Variants in CSMD1 observed in about 807,000 individuals in gnomAD.
CSMD1 encodes the protein CUB and Sushi multiple domains 1, also known as CUB and sushi domain-containing protein 1.
In CSMD1, 213 loss-of-function variants were observed where a neutral mutation model predicts 417.5. The ratio of observed to expected loss-of-function variants is 0.51; its 90% CI spans 0.46 to 0.57. The LOEUF (loss-of-function observed/expected upper bound fraction) is 0.57. Ranked by LOEUF, CSMD1 falls within the 20% of genes least tolerant of loss-of-function variation. The pLI is 0.00. For missense variants in CSMD1, 6,923 were observed against 4,529.7 expected (o/e 1.53, Z -15.17); for synonymous variants, 2,862 against 1,736.8 (o/e 1.65, Z -16.11).
intron 5 of CSMD1, among the ~76,000 whole-genome samples, chr8:3,831,020 T>C (rs1264844334): frequency 6.6e-6 from 1 of 152,180 alleles, no homozygotes; most frequent in Non-Finnish European, 1.5e-5. Flanking sequence ...TTGTTGGCTC[T>C]GAAGGCAGCT....
At chr8:4,509,549 A>G (rs1327203425) in intron 2 of CSMD1, among the ~76,000 whole-genome samples, 1 of 152,186 alleles carries the variant, frequency 6.6e-6, no homozygotes, top group Non-Finnish European at 1.5e-5. Context: ...ATGGAAATGG[A>G]AAGGATGCTG....
chr8:3,143,149 T>A (rs554894529), intron 40 of CSMD1, among the ~76,000 whole-genome samples: 2 of 151,806 alleles, frequency 1.3e-5, no homozygotes, highest in South Asian at 2.1e-4. Flanking sequence ...TGCCACAGAG[T>A]TTTTTTTGTT....
At chr8:4,415,054 G>A (rs549186905) in intron 3 of CSMD1, among the ~76,000 whole-genome samples, 59 of 152,286 alleles carry the variant, frequency 3.9e-4, no homozygotes, top group African/African-American at 1.4e-3. Context: ...ATAGTCCAGT[G>A]AAAGTAATTC....
chr8:3,422,969 C>G (rs1346985774), intron 12 of CSMD1, among the ~76,000 whole-genome samples: 1 of 152,166 alleles, frequency 6.6e-6, no homozygotes, highest in Non-Finnish European at 1.5e-5. Context: ...TATTAAGGGT[C>G]ACAGCTCTTA....
At chr8:4,563,124 G>A (rs779799730) in intron 2 of CSMD1, among the ~76,000 whole-genome samples, 8 of 152,172 alleles carry the variant, frequency 5.3e-5, no homozygotes, top group Admixed American at 1.3e-4. Context: ...ACAATGGGCC[G>A]GGCACAGTGA....
At chr8:4,642,164 T>C (rs1309974435) in intron 1 of CSMD1, among the ~76,000 whole-genome samples, 2 of 152,190 alleles carry the variant, frequency 1.3e-5, no homozygotes, top group African/African-American at 2.4e-5. Flanking sequence ...AAGGAGCCTA[T>C]AGGACTACTT....
intron 1 of CSMD1, among the ~76,000 whole-genome samples, chr8:4,970,136 AG>A (rs746689710): frequency 6.7e-6 from 1 of 149,290 alleles, no homozygotes; most frequent in Non-Finnish European, 1.5e-5. Flanking sequence ...ATACACATTT[AG>A]AAGGCATATC....
intron 3 of CSMD1, among the ~76,000 whole-genome samples, chr8:4,260,320 CTG>C (rs1225858583): frequency 1.6e-4 from 24 of 152,244 alleles, no homozygotes; most frequent in African/African-American, 4.3e-4. Context: ...TATGATGTGT[CTG>C]TTTTTATTTG....
chr8:3,126,185 A>G (rs770702900), intron 41 of CSMD1, among the ~76,000 whole-genome samples: 11 of 152,230 alleles, frequency 7.2e-5, no homozygotes, highest in Non-Finnish European at 1.2e-4. Flanking sequence ...GAGACTAAAT[A>G]TACCCATCTA....
intron 1 of CSMD1, among the ~76,000 whole-genome samples, chr8:4,702,779 T>C (rs1035823364): frequency 6.6e-6 from 1 of 152,154 alleles, no homozygotes; most frequent in Admixed American, 6.5e-5. Context: ...TGCGGGAAAA[T>C]GTTAGGTAGC....
chr8:3,473,535 A>G (rs1817228743), intron 11 of CSMD1, among the ~76,000 whole-genome samples: 1 of 152,144 alleles, frequency 6.6e-6, no homozygotes, highest in African/African-American at 2.4e-5. Flanking sequence ...CTGAGATATT[A>G]TTTCTTTAAA....
At chr8:4,371,683 G>A (rs980210210) in intron 3 of CSMD1, among the ~76,000 whole-genome samples, 2 of 152,092 alleles carry the variant, frequency 1.3e-5, no homozygotes, top group African/African-American at 2.4e-5. Context: ...AAAGTTAGTA[G>A]AATGTTAGCT....
At chr8:3,468,411 A>G (rs1386138867) in intron 12 of CSMD1, among the ~76,000 whole-genome samples, 1 of 152,188 alleles carries the variant, frequency 6.6e-6, no homozygotes, top group East Asian at 1.9e-4. Context: ...ACCAGCCAAT[A>G]TGATATGGTC....
chr8:3,560,620 G>A (rs905091647), intron 10 of CSMD1, among the ~76,000 whole-genome samples: 5 of 152,194 alleles, frequency 3.3e-5, no homozygotes, highest in Admixed American at 2.0e-4. Context: ...AAGGGGGAAT[G>A]AGATGGCGGG....
chr8:3,798,980 A>G (rs1271577897), intron 5 of CSMD1, among the ~76,000 whole-genome samples: 2 of 152,090 alleles, frequency 1.3e-5, no homozygotes, highest in Non-Finnish European at 2.9e-5. Flanking sequence ...ATATGGGTGA[A>G]TAATAAATAT....
chr8:4,767,130 G>C (rs556885732), intron 1 of CSMD1, among the ~76,000 whole-genome samples: 1 of 152,228 alleles, frequency 6.6e-6, no homozygotes, highest in Non-Finnish European at 1.5e-5. Flanking sequence ...TCGACAAAGC[G>C]ATGCAGTGGG....
chr8:4,182,785 G>C (rs903171095), intron 3 of CSMD1, among the ~76,000 whole-genome samples: 1 of 152,066 alleles, frequency 6.6e-6, no homozygotes, highest in East Asian at 1.9e-4. Context: ...ATAGTTAAAT[G>C]AAGTGAAGGG....
At chr8:4,949,006 T>A (rs1233768457) in intron 1 of CSMD1, among the ~76,000 whole-genome samples, 1 of 152,170 alleles carries the variant, frequency 6.6e-6, no homozygotes, top group South Asian at 2.1e-4. Context: ...CTTCTGTTCT[T>A]TGTTTGCTAA....
At chr8:3,410,563 A>G (rs1315977351) in intron 12 of CSMD1, among the ~76,000 whole-genome samples, 2 of 152,134 alleles carry the variant, frequency 1.3e-5, no homozygotes, top group East Asian at 3.9e-4. Flanking sequence ...GCCATCATGT[A>G]AGACGTGACT....
Sources: allele counts gnomAD v4.1 joint callset (sites outside exome capture counted in the v4.1 genomes callset), GRCh38; gene constraint gnomAD v4.1.1; transcripts MANE v1.5; gene names NCBI Gene and HGNC (gene_info 2026-07-23, HGNC 2026-07-21).